Variants in CAST observed in about 807,000 individuals in gnomAD.
The protein encoded by CAST is MIR583 host.
A neutral mutation model predicts 119.6 loss-of-function variants in CAST; 76 were observed. That is an observed-to-expected ratio of 0.64 (90% CI 0.53 to 0.77). The LOEUF is 0.77. CAST is among the 30% of genes least tolerant of loss of function. The pLI is 0.00. For missense variants in CAST, 953 were observed against 946.5 expected (o/e 1.01, Z -0.09); for synonymous variants, 319 against 331.6 (o/e 0.96, Z 0.41).
At chr5:96,706,268 G>A (rs1467476149) in intron 3 of CAST, among the ~76,000 whole-genome samples, 2 of 152,154 alleles carry the variant, frequency 1.3e-5, no homozygotes, top group Non-Finnish European at 1.5e-5. Flanking sequence ...AGATTATAGA[G>A]TGGATAATCA....
intron 1 of CAST, among the ~76,000 whole-genome samples, chr5:96,534,803 AGAAAGAAAGAAAGAAAG>A (rs1745769252): frequency 1.9e-5 from 2 of 107,822 alleles, no homozygotes; most frequent in African/African-American, 3.4e-5. Context: ...GAAAGAAAGA[AGAAAGAAAGAAAGAAAG>A]AAAAGAAAGA....
At chr5:96,326,544 C>T in the CAST span, among the ~76,000 whole-genome samples, 1 of 152,174 alleles carries the variant, frequency 6.6e-6, no homozygotes, top group East Asian at 1.9e-4. Flanking sequence ...TTTGGAACCC[C>T]AAACTGTTGA....
intron 2 of CAST, among the ~76,000 whole-genome samples, chr5:96,687,697 A>G (rs1260936682): frequency 6.6e-6 from 1 of 152,226 alleles, no homozygotes; most frequent in African/African-American, 2.4e-5. Flanking sequence ...GAAATATATC[A>G]TTCTAAAATC....
chr5:96,230,715 T>C, the CAST span, among the ~76,000 whole-genome samples: 4 of 152,250 alleles, frequency 2.6e-5, no homozygotes, highest in East Asian at 7.7e-4. Flanking sequence ...AGAAGGTCTA[T>C]AGACTGGGAG....
chr5:96,436,744 C>A, the CAST span, among the ~76,000 whole-genome samples: 2 of 152,026 alleles, frequency 1.3e-5, no homozygotes, highest in African/African-American at 4.8e-5. Context: ...AGAGAAGTTA[C>A]CATCTACCAA....
chr5:96,023,543 T>C, the CAST span, among the ~76,000 whole-genome samples: 5 of 152,166 alleles, frequency 3.3e-5, no homozygotes, highest in Admixed American at 2.0e-4. Flanking sequence ...CTCTCTTGCT[T>C]TCAGAGTCTC....
At position 96,645,328 on chromosome 5, in the gene CAST, T is replaced by C. The variant is rs1748001337; in HGVS notation, c.61-30211T>C. On this transcript the variant is annotated intron_variant, in intron 1 of 11. Transcript: ENST00000505143. ...TGAGATCCACATGACTTACCACTGG[T>C]GCTGTCAACATTCATCACGCGGTTA... Among the ~76,000 whole-genome samples, 6 of 152,350 alleles carry C rather than the reference T, an allele frequency of 3.9e-5. No homozygotes were observed. In the South Asian group the frequency reaches 1.2e-3, roughly 32 times the overall value.
chr5:96,352,747 G>A, the CAST span, among the ~76,000 whole-genome samples: 1 of 152,130 alleles, frequency 6.6e-6, no homozygotes, highest in Non-Finnish European at 1.5e-5. Flanking sequence ...CCACATGTCA[G>A]GGGAGGGACC....
At chr5:96,333,953 C>T in the CAST span, among the ~76,000 whole-genome samples, 3 of 152,128 alleles carry the variant, frequency 2.0e-5, no homozygotes, top group South Asian at 2.1e-4. Context: ...TCTTTGAGTT[C>T]GTAAGTCCAA....
the CAST span, among the ~76,000 whole-genome samples, chr5:96,296,024 A>G: frequency 6.6e-6 from 1 of 152,220 alleles, no homozygotes; most frequent in Non-Finnish European, 1.5e-5. Context: ...TACCATGAAC[A>G]GTTGTTACTT....
At chr5:96,709,083 G>T (rs1173839162) in intron 3 of CAST, among the ~76,000 whole-genome samples, 2 of 152,216 alleles carry the variant, frequency 1.3e-5, no homozygotes, top group African/African-American at 4.8e-5. Context: ...TTGGCTTGGT[G>T]CTTCCACTAT....
At chr5:96,694,474 AC>A (rs1753058741) in intron 2 of CAST, among the ~76,000 whole-genome samples, 1 of 152,138 alleles carries the variant, frequency 6.6e-6, no homozygotes, top group African/African-American at 2.4e-5. Context: ...TACTAAATAT[AC>A]AAAAAATTAG....
the CAST span, among the ~76,000 whole-genome samples, chr5:96,410,288 A>G: frequency 2.0e-5 from 3 of 152,138 alleles, no homozygotes; most frequent in South Asian, 2.1e-4. Flanking sequence ...CTCAGGGGAC[A>G]CTGAAACTGC....
At chr5:96,694,365 C>CG (rs1440955351) in intron 2 of CAST, among the ~76,000 whole-genome samples, 2 of 152,292 alleles carry the variant, frequency 1.3e-5, no homozygotes, top group African/African-American at 4.8e-5. Flanking sequence ...TGGCCAGGCA[C>CG]GGTGGCTCAC....
At chr5:96,404,196 T>C in the CAST span, among the ~76,000 whole-genome samples, 2 of 152,338 alleles carry the variant, frequency 1.3e-5, no homozygotes, top group South Asian at 4.1e-4. Flanking sequence ...GATGAGGTTG[T>C]AGGAAAACAC....
chr5:96,268,207 C>T, the CAST span, among the ~76,000 whole-genome samples: 1 of 152,170 alleles, frequency 6.6e-6, no homozygotes, highest in South Asian at 2.1e-4. Context: ...AAATAAGCAA[C>T]AAAATGGAAG....
chr5:95,977,178 C>G, the CAST span, among the ~76,000 whole-genome samples: 1 of 152,206 alleles, frequency 6.6e-6, no homozygotes, highest in Non-Finnish European at 1.5e-5. Context: ...AACTGGGCAA[C>G]TTATAAACAA....
chr5:96,392,637 T>A, the CAST span: 1 of 229,330 alleles, frequency 4.4e-6, no homozygotes, highest in African/African-American at 2.3e-5. Flanking sequence ...TTGCAGATTA[T>A]GTTTTCAAAT....
the CAST span, chr5:96,392,818 A>T: frequency 1.5e-6 from 1 of 668,494 alleles, no homozygotes; most frequent in East Asian, 2.5e-5. Flanking sequence ...TCAATTCTGG[A>T]AGTTGAACTT....
Sources: gnomAD v4.1 joint callset for allele counts (sites outside exome capture counted in the v4.1 genomes callset) on GRCh38, gnomAD v4.1.1 for gene constraint, MANE v1.5 for transcripts, NCBI Gene and HGNC (gene_info 2026-07-23, HGNC 2026-07-21) for gene names.